ZNF12: variants seen among roughly 807,000 people sequenced by gnomAD.
The protein encoded by ZNF12 is gonadotropin inducible transcription repressor 3.
In ZNF12, 34 loss-of-function variants were observed where a neutral mutation model predicts 66.6. The ratio of observed to expected loss-of-function variants is 0.51; its 90% CI spans 0.39 to 0.68. ZNF12 has a LOEUF of 0.68. Among genes scored for constraint, ZNF12 ranks in the 30% least tolerant of loss-of-function variants. The pLI is 0.00. For missense variants in ZNF12, 697 were observed against 826.9 expected (o/e 0.84, Z 1.93); for synonymous variants, 320 against 278.9 (o/e 1.15, Z -1.47).
chr7:6,693,032 G>A (rs1299770941), intron 4 of ZNF12, among the ~76,000 whole-genome samples: 1 of 152,172 alleles, frequency 6.6e-6, no homozygotes, highest in Non-Finnish European at 1.5e-5. Context: ...TGACTGGTAG[G>A]CGAAGAATGC....
chr7:6,691,937 G>A lies in ZNF12; in HGVS notation c.1005C>T (p.Tyr335=). The change falls in exon 5 of 5, where the codon TAC becomes TAT. Residue 335 remains tyrosine (Y), a synonymous_variant. Coordinates refer to ENST00000405858, the MANE Select transcript of ZNF12 (RefSeq NM_016265.4). ...GATGCTGAATGAGGTGTAACTTCTGGTAAAAGTTCTTCCCACATTCATTAC... is the reference window on the plus strand; with the variant it reads ...GATGCTGAATGAGGTGTAACTTCTGATAAAAGTTCTTCCCACATTCATTAC... ...YECNECGKNF[Y]QKLHLIQHQR... 1 of 1,614,050 alleles carries A rather than the reference G, an allele frequency of 6.2e-7. No homozygotes were observed. Among genetic ancestry groups the A allele is most frequent in the Non-Finnish European group, 8.5e-7 (1 of 1,179,990 alleles).
intron 2 of ZNF12, among the ~76,000 whole-genome samples, chr7:6,702,487 C>A (rs1562602216): frequency 2.9e-5 from 1 of 34,930 alleles, no homozygotes; most frequent in African/African-American, 1.9e-4. Flanking sequence ...TCCCAAACTC[C>A]ACACACACAC....
intron 4 of ZNF12, among the ~76,000 whole-genome samples, chr7:6,694,026 G>C (rs1245976104): frequency 6.6e-6 from 1 of 152,038 alleles, no homozygotes; most frequent in Non-Finnish European, 1.5e-5. Context: ...AATTAGCCGG[G>C]CGTGGTGGTG....
rs1407701063 is a variant in ZNF12, at chr7:6,690,289, T to C, written c.*559A>G. ...CGAAGTGAACATACAATTCCTGTAATGTACTGTAATAAAAACAACCCTCTC... is the reference window on the plus strand; with the variant it reads ...CGAAGTGAACATACAATTCCTGTAACGTACTGTAATAAAAACAACCCTCTC... On this transcript the variant is annotated 3_prime_UTR_variant, in exon 5 of 5. Transcript: ENST00000405858. 6.6e-6 allele frequency: 1 copy of C among 152,280 alleles called. No homozygotes were observed. The highest frequency in any genetic ancestry group is 2.1e-4 in the South Asian group (1 of 4,828). The allele number at this position is 152,280 out of a possible 1,614,324, so 9.4% of individuals were successfully genotyped here.
At position 6,697,433 on chromosome 7, in the gene ZNF12, C is replaced by A. The variant is rs1314409079; in HGVS notation, c.144G>T (p.Gly48=). The A allele has an allele frequency of 6.2e-6, 10 of 1,610,694 alleles. No individual in the cohort carries two copies. The highest frequency in any genetic ancestry group is 6.8e-6 in the Non-Finnish European group (8 of 1,178,348). ...LENYSNLVSV[G]YHIIKPDVIS... ...TAACATCCGGTTTGATAATGTGATA[C>A]CCTGTTAATGAGAAATGAAAGAGAA... The change falls in exon 4 of 5, where the codon GGG becomes GGT. Residue 48 remains glycine (G), a splice_region_variant and synonymous_variant. Transcript: ENST00000405858. This position sits in a 1 kb window ranked among gnomAD's most constrained non-coding sequence, Gnocchi z 6.1.
At position 6,698,393 on chromosome 7, in the gene ZNF12, C is replaced by T. The variant is rs777716241; in HGVS notation, c.16-582G>A. Among the ~76,000 whole-genome samples, 4 of 152,134 alleles carry T rather than the reference C, an allele frequency of 2.6e-5. No homozygotes were observed. The highest frequency in any genetic ancestry group is 5.9e-5 in the Non-Finnish European group (4 of 68,024). ...TATACACCAACATTTTCCAAATTTA[C>T]ATCATCAGTCCAGGCCTCTCTCCTA... On this transcript the variant is annotated intron_variant, in intron 2 of 4. Transcript: ENST00000405858. The surrounding 1 kb of genome is among the most constrained non-coding windows in gnomAD (Gnocchi z 4.4).
In ZNF12 at chr7:6,706,564, C is replaced by A. The variant is rs759745704; in HGVS notation, c.-183G>T. On this transcript the variant is annotated 5_prime_UTR_variant, in exon 1 of 5. Coordinates refer to ENST00000405858, the MANE Select transcript of ZNF12 (RefSeq NM_016265.4). ...AAGGCCGTTCTGCTCCAGAGGGGCCCGGGCCGGGCCTACGGGACAAATCCA... is the reference window on the plus strand; with the variant it reads ...AAGGCCGTTCTGCTCCAGAGGGGCCAGGGCCGGGCCTACGGGACAAATCCA... 6 of 466,094 alleles carry A rather than the reference C, an allele frequency of 1.3e-5. No individual in the cohort carries two copies. The highest frequency in any genetic ancestry group is 2.6e-5 in the Non-Finnish European group (6 of 234,018). 28.9% of individuals were successfully genotyped at this position (466,094 alleles called of 1,614,324 possible).
chr7:6,703,251 G>C (rs971670048), intron 2 of ZNF12, among the ~76,000 whole-genome samples: 5 of 152,202 alleles, frequency 3.3e-5, no homozygotes, highest in African/African-American at 9.7e-5. Context: ...TTCCCATGGG[G>C]GAAGCACGAT....
chr7:6,690,797 T>C lies in ZNF12; in HGVS notation c.*51A>G. The C allele has an allele frequency of 6.7e-7, 1 of 1,500,112 alleles. No individual in the cohort carries two copies. The allele number at this position is 1,500,112 out of a possible 1,614,324, so 92.9% of individuals were successfully genotyped here. ...AAGGTGTTTGACTTCAGGCAGGAGT[T>C]TCTGATTCACTATACTGAAAGGGTT... On this transcript the variant is annotated 3_prime_UTR_variant, in exon 5 of 5. Transcript: ENST00000405858.
Position 6,697,962 on chromosome 7 carries a change from A to G in ZNF12, c.16-151T>C, listed in dbSNP as rs1348668586. The G allele has an allele frequency of 3.1e-6, 3 of 982,714 alleles. No homozygotes were observed. Among genetic ancestry groups the G allele is most frequent in the Non-Finnish European group, 4.9e-6 (3 of 616,302 alleles). The allele number at this position is 982,714 out of a possible 1,614,324, so 60.9% of individuals were successfully genotyped here. ...AAAGGGAAACAAACATATCAGAAAT[A>G]CACTGTTCTGGGGTTCATTCAGTAT... On this transcript the variant is annotated intron_variant, in intron 2 of 4. Transcript: ENST00000405858. The surrounding 1 kb of genome is among the most constrained non-coding windows in gnomAD (Gnocchi z 6.1).
Position 6,690,505 on chromosome 7 carries a change from C to A in ZNF12, c.*343G>T. 5.9e-6 allele frequency: 1 copy of A among 170,782 alleles called. No individual in the cohort carries two copies. Among genetic ancestry groups the A allele is most frequent in the Non-Finnish European group, 1.2e-5 (1 of 80,880 alleles). 10.6% of individuals were successfully genotyped at this position (170,782 alleles called of 1,614,324 possible). On this transcript the variant is annotated 3_prime_UTR_variant, in exon 5 of 5. Coordinates refer to ENST00000405858, the MANE Select transcript of ZNF12 (RefSeq NM_016265.4). ...TCAGAAACATATCTTTTAGTATTAA[C>A]AGTTTCCAAAGGATTATGTCTTCCA...
intron 4 of ZNF12, among the ~76,000 whole-genome samples, chr7:6,694,416 C>G (rs368781705): frequency 6.6e-6 from 1 of 152,140 alleles, no homozygotes; most frequent in African/African-American, 2.4e-5. Context: ...CTTTTCACCA[C>G]CTGGGATCAC....
chr7:6,691,642 C>G lies in ZNF12; in HGVS notation c.1300G>C (p.Glu434Gln). ...LTTHLRTHTG[E>Q]KPYECNECGK... is the part of the protein sequence containing the mutation. ...CACTCATTACATTCATACGGTTTCTCTCCTGTGTGGGTCCTCAGGTGGGTC... is the reference window on the plus strand; with the variant it reads ...CACTCATTACATTCATACGGTTTCTGTCCTGTGTGGGTCCTCAGGTGGGTC... Residue 434 changes from glutamate (E) to glutamine (Q), a missense_variant, in exon 5 of 5, where the codon GAG becomes CAG. By Grantham distance (29) the Glu-to-Gln change is conservative. Coordinates refer to ENST00000405858, the MANE Select transcript of ZNF12 (RefSeq NM_016265.4). 6.2e-7 allele frequency: 1 copy of G among 1,614,062 alleles called. No individual in the cohort carries two copies. The highest frequency in any genetic ancestry group is 8.5e-7 in the Non-Finnish European group (1 of 1,179,914).
chr7:6,691,698 C>T lies in ZNF12; in HGVS notation c.1244G>A (p.Gly415Glu). 1 of 1,613,800 alleles carries T rather than the reference C, an allele frequency of 6.2e-7. No individual in the cohort carries two copies. The highest frequency in any genetic ancestry group is 1.7e-4 in the Middle Eastern group (1 of 6,060). ...GVKLYKCSEC[G>E]KCFCRKSTLT... ...AGTAGACTTGCGGCAGAAGCATTTC[C>T]CACATTCACTACACTTGTAGAGTTT... Residue 415 changes from glycine (G) to glutamate (E), a missense_variant, in exon 5 of 5, where the codon GGG becomes GAG. Around this residue, in one of 3 missense-constraint regions of ZNF12, gnomAD observed 401 missense variants for 519.0 expected, o/e 0.77. Coordinates refer to ENST00000405858, the MANE Select transcript of ZNF12 (RefSeq NM_016265.4).
At position 6,697,502 on chromosome 7, in the gene ZNF12, G is replaced by A; in HGVS notation, c.143-68C>T. On this transcript the variant is annotated intron_variant, in intron 3 of 4. Coordinates refer to ENST00000405858, the MANE Select transcript of ZNF12 (RefSeq NM_016265.4). The surrounding 1 kb of genome is among the most constrained non-coding windows in gnomAD (Gnocchi z 6.1). ...GGCTTCAGGGTCTCTGTCATACAGG[G>A]AAAATTCCATTTGTGTCTTATCAAA... 2 of 1,542,416 alleles carry A rather than the reference G, an allele frequency of 1.3e-6. No homozygotes were observed. Among genetic ancestry groups the A allele is most frequent in the Non-Finnish European group, 1.8e-6 (2 of 1,129,396 alleles).
At chr7:6,706,302 C>T in intron 1 of ZNF12, 130 bp downstream of exon 1, 1 of 429,474 alleles carries the variant, frequency 2.3e-6, no homozygotes, top group Admixed American at 2.4e-5. Context: ...CGGACCCTGC[C>T]TTCAAACCCA....
Position 6,705,910 on chromosome 7 carries a change from G to T in ZNF12, c.-51+522C>A, listed in dbSNP as rs1467862115. On this transcript the variant is annotated intron_variant, in intron 1 of 4. Transcript: ENST00000405858. This position sits in a 1 kb window ranked among gnomAD's most constrained non-coding sequence, Gnocchi z 4.0. ...CTACTCAAAAGGATCTTTTATTGAA[G>T]AACTTACGCTCACTTAACTAGGATA... 6.6e-6 allele frequency among the ~76,000 whole-genome samples: 1 copy of T among 152,106 alleles called. No homozygotes were observed. The highest frequency in any genetic ancestry group is 1.5e-5 in the Non-Finnish European group (1 of 68,008).
rs2115345423 is a variant in ZNF12, at chr7:6,690,057, C to CTCA, written c.*788_*790dup. On this transcript the variant is annotated 3_prime_UTR_variant, in exon 5 of 5. Transcript: ENST00000405858. ...CATGGATATTTATCTCTCTGGCTGA[C>CTCA]TCAGATACAGTTGAAAACATTATAA... The CTCA allele has an allele frequency of 6.6e-6, 1 of 152,270 alleles. No individual in the cohort carries two copies. Among genetic ancestry groups the CTCA allele is most frequent in the African/African-American group, 2.4e-5 (1 of 41,548 alleles). 9.4% of individuals were successfully genotyped at this position (152,270 alleles called of 1,614,324 possible). A position where few individuals can be genotyped will look rare whatever the true frequency, so the allele number is the denominator to read the frequency against.
Position 6,692,537 on chromosome 7 carries a change from A to G in ZNF12, c.405T>C (p.Tyr135=). ...TNPVPSRKIA[Y]KNSLCDSCEK... ...CACATGAGTCACAGAGGCTATTTTT[A>G]TAGGCTATTTTTCTTGAAGGAACAG... Residue 135 remains tyrosine (Y), a synonymous_variant, in exon 5 of 5, where the codon TAT becomes TAC. Transcript: ENST00000405858. The surrounding 1 kb of genome is among the most constrained non-coding windows in gnomAD (Gnocchi z 5.1). 2.5e-6 allele frequency: 4 copies of G among 1,613,748 alleles called. No individual in the cohort carries two copies. In the South Asian group the frequency reaches 3.3e-5, roughly 13 times the overall value.
Sources: gnomAD v4.1 joint callset for allele counts (sites outside exome capture counted in the v4.1 genomes callset) on GRCh38, gnomAD v4.1.1 for gene constraint, gnomAD v4.1.1 regional missense constraint, Gnocchi (gnomAD v3.1) non-coding constraint, MANE v1.5 for transcripts, NCBI Gene and HGNC (gene_info 2026-07-23, HGNC 2026-07-21) for gene names.